The following ANP32B variants were observed in gnomAD, a reference collection of about 807,000 sequenced individuals.
The protein encoded by ANP32B is acidic nuclear phosphoprotein 32 family member B.
A neutral mutation model predicts 32.2 loss-of-function variants in ANP32B; 6 were observed. That is an observed-to-expected ratio of 0.19 (90% CI 0.10 to 0.37). The LOEUF is 0.37. Ranked by LOEUF, ANP32B falls within the 10% of genes least tolerant of loss-of-function variation. The pLI is 1.00. For missense variants in ANP32B, 204 were observed against 289.2 expected, an observed-to-expected ratio of 0.71 and a Z score of 2.14; for synonymous variants, 98 against 105.8, an observed-to-expected ratio of 0.93 and a Z score of 0.45.
chr9:97,984,408 G>A (rs1037439317), intron 1 of ANP32B, among the ~76,000 whole-genome samples: 2 of 151,504 alleles, frequency 1.3e-5, no homozygotes, highest in African/African-American at 4.8e-5. Flanking sequence ...GCCTCCCAGG[G>A]GCAGCCCGGG....
intron 6 of ANP32B, 76 bp downstream of exon 6, chr9:98,012,548 C>T: frequency 6.3e-7 from 1 of 1,574,844 alleles, no homozygotes; most frequent in East Asian, 2.3e-5. Flanking sequence ...GAATATGATA[C>T]CACTGAGAAG....
chr9:97,983,707 C>CG, intron 1 of ANP32B, 98 bp downstream of exon 1: 1 of 1,000,388 alleles, frequency 1.0e-6, no homozygotes, highest in Non-Finnish European at 1.4e-6. Context: ...GGCCCCGGCG[C>CG]GGGGAAGAGC....
At chr9:97,994,312 G>T (rs918693609) in intron 1 of ANP32B, among the ~76,000 whole-genome samples, 1 of 152,148 alleles carries the variant, frequency 6.6e-6, no homozygotes, top group Non-Finnish European at 1.5e-5. Flanking sequence ...TGCCCTTTGG[G>T]GAACAGGCTG....
chr9:98,009,602 C>G (rs117177211), intron 4 of ANP32B, among the ~76,000 whole-genome samples: 5 of 152,248 alleles, frequency 3.3e-5, no homozygotes, highest in Non-Finnish European at 7.3e-5. Context: ...GAGGATCTAA[C>G]AGGTGATGTG....
intron 1 of ANP32B, among the ~76,000 whole-genome samples, chr9:97,984,844 G>A (rs1175079213): frequency 6.7e-6 from 1 of 150,228 alleles, no homozygotes; most frequent in Non-Finnish European, 1.5e-5. Context: ...GCCCCGCGCC[G>A]GGCGCGCGGG....
At chr9:97,995,435 A>G (rs1448184529) in intron 2 of ANP32B, among the ~76,000 whole-genome samples, 2 of 152,324 alleles carry the variant, frequency 1.3e-5, no homozygotes, top group South Asian at 2.1e-4. Context: ...TGCCATTTCA[A>G]TATTCGCTTT....
intron 1 of ANP32B, among the ~76,000 whole-genome samples, chr9:97,986,057 GTGA>G (rs1827726638): frequency 1.3e-5 from 2 of 152,136 alleles, no homozygotes; most frequent in South Asian, 2.1e-4. Flanking sequence ...CTGACCTCGG[GTGA>G]TCCACCCGCC....
At chr9:98,009,457 G>A (rs1361877274) in intron 4 of ANP32B, among the ~76,000 whole-genome samples, 1 of 152,258 alleles carries the variant, frequency 6.6e-6, no homozygotes, top group Non-Finnish European at 1.5e-5. Flanking sequence ...CAGATGCAGG[G>A]AAGGGGTTGG....
chr9:97,994,930 C>G (rs1029427488), intron 2 of ANP32B, 150 bp downstream of exon 2: 1 of 747,366 alleles, frequency 1.3e-6, no homozygotes, highest in Admixed American at 3.7e-5. Context: ...CTAGCATTTC[C>G]TTGATGGGCA....
At chr9:97,983,914 G>T (rs1462388443) in intron 1 of ANP32B, among the ~76,000 whole-genome samples, 3 of 151,996 alleles carry the variant, frequency 2.0e-5, no homozygotes, top group Non-Finnish European at 2.9e-5. Flanking sequence ...CCGGCGGCGA[G>T]AGAGGGAGGC....
intron 3 of ANP32B, among the ~76,000 whole-genome samples, 193 bp from the exon 4 acceptor site, chr9:98,004,771 A>G (rs1010561344): frequency 6.6e-6 from 1 of 152,230 alleles, no homozygotes; most frequent in Non-Finnish European, 1.5e-5. Flanking sequence ...GAGAGTAGAT[A>G]AAGGAAGAGA....
intron 1 of ANP32B, among the ~76,000 whole-genome samples, chr9:97,989,892 A>T (rs1827795405): frequency 6.6e-6 from 1 of 152,228 alleles, no homozygotes; most frequent in African/African-American, 2.4e-5. Flanking sequence ...AGAGAAGCCT[A>T]CTTGGAGTTT....
intron 6 of ANP32B, among the ~76,000 whole-genome samples, chr9:98,013,628 G>A (rs1029234196): frequency 6.6e-6 from 1 of 152,110 alleles, no homozygotes; most frequent in African/African-American, 2.4e-5. Flanking sequence ...ACCGGGTGTG[G>A]TGACTCACGC....
intron 1 of ANP32B, among the ~76,000 whole-genome samples, chr9:97,987,082 T>C (rs1827748693): frequency 6.6e-6 from 1 of 152,214 alleles, no homozygotes; most frequent in African/African-American, 2.4e-5. Context: ...TAGGGTCTTC[T>C]TCAGTTCACC....
At chr9:98,014,298 C>T (rs1424311222) in intron 6 of ANP32B, among the ~76,000 whole-genome samples, 1 of 151,774 alleles carries the variant, frequency 6.6e-6, no homozygotes, top group Non-Finnish European at 1.5e-5. Context: ...GTCCCAGCTA[C>T]TCGGGAGGCT....
At chr9:97,990,535 T>G (rs1021237584) in intron 1 of ANP32B, among the ~76,000 whole-genome samples, 65 of 152,244 alleles carry the variant, frequency 4.3e-4, no homozygotes, top group African/African-American at 1.6e-3. Flanking sequence ...CATGTTTCTT[T>G]ACATTCTCAG....
chr9:97,986,409 T>G lies in ANP32B; in HGVS notation c.54+2800T>G, dbSNP rs1827735583. The G allele has an allele frequency of 3.3e-5, 5 of 152,202 alleles. No homozygotes were observed. The East Asian group carries it at 7.7e-4, about 23-fold the overall frequency. The allele number at this position is 152,202 out of a possible 1,614,324, so 9.4% of individuals were successfully genotyped here. ...GTGTTGTGGGAGCCAGCTAAGATTG[T>G]GGGGGTAGAGGAAGGTTCCCTTAGG... On this transcript the variant is annotated intron_variant, in intron 1 of 6. Transcript: ENST00000339399.
Position 98,006,309 on chromosome 9 carries a change from T to C in ANP32B, c.517+1156T>C, listed in dbSNP as rs1047743311. ...CAAGTGAGTTGGTGTACTTCAGTTGTACAGCTGTATCTGGTGACAGGCTTT... is the reference window on the plus strand; with the variant it reads ...CAAGTGAGTTGGTGTACTTCAGTTGCACAGCTGTATCTGGTGACAGGCTTT... On this transcript the variant is annotated intron_variant, in intron 4 of 6. Transcript: ENST00000339399. Among the ~76,000 whole-genome samples the C allele has an allele frequency of 5.9e-5, 9 of 152,214 alleles. 1 individual carries two copies. The highest frequency in any genetic ancestry group is 5.9e-4 in the Admixed American group (9 of 15,286).
At chr9:97,985,815 T>G (rs188564847) in intron 1 of ANP32B, among the ~76,000 whole-genome samples, 70 of 152,312 alleles carry the variant, frequency 4.6e-4, no homozygotes, top group Admixed American at 4.3e-3. Context: ...TGTTCATTTT[T>G]CTTTTTTCTG....
Sources: gnomAD v4.1 joint callset for allele counts (sites outside exome capture counted in the v4.1 genomes callset) on GRCh38, gnomAD v4.1.1 for gene constraint, MANE v1.5 for transcripts, NCBI Gene and HGNC (gene_info 2026-07-23, HGNC 2026-07-21) for gene names.